The following CDC42SE2 variants were observed in gnomAD, a reference collection of about 807,000 sequenced individuals.
CDC42SE2 encodes the protein CDC42 small effector protein 2.
A neutral mutation model predicts 11.5 loss-of-function variants in CDC42SE2; 3 were observed. That is an observed-to-expected ratio of 0.26 (90% CI 0.12 to 0.67). The LOEUF is 0.67. CDC42SE2 is among the 30% of genes least tolerant of loss of function. The probability of loss-of-function intolerance (pLI) is 0.80; values close to 1 mark genes in which losing one functional copy is unlikely to be tolerated. For missense variants in CDC42SE2, 82 were observed against 106.8 expected (o/e 0.77, Z 1.02); for synonymous variants, 33 against 34.8 (o/e 0.95, Z 0.18).
Position 131,302,284 on chromosome 5 carries a change from A to G in CDC42SE2, c.-454-13692A>G, listed in dbSNP as rs191891104. ...AACCTCCGCCTCCCGGGTTCAAGAG[A>G]TTCTCCTGCCTCAGCCTCCCCAGTA... is the stretch of plus-strand genomic sequence containing the variant. On this transcript the variant is annotated intron_variant, in intron 1 of 4. Transcript: ENST00000505065. 2.0e-3 allele frequency among the ~76,000 whole-genome samples: 300 copies of G among 152,020 alleles called. 1 individual carries two copies. Among genetic ancestry groups the G allele is most frequent in the African/African-American group, 7.0e-3 (289 of 41,444 alleles).
the CDC42SE2 span, among the ~76,000 whole-genome samples, chr5:131,236,619 G>A: frequency 6.6e-6 from 1 of 152,110 alleles, no homozygotes; most frequent in African/African-American, 2.4e-5. Context: ...TAGAGATGGG[G>A]TTTCACCATG....
chr5:131,236,064 G>A, the CDC42SE2 span, among the ~76,000 whole-genome samples: 5 of 152,058 alleles, frequency 3.3e-5, no homozygotes, highest in African/African-American at 4.8e-5. Flanking sequence ...ACTTCACATC[G>A]TATGTCCTTT....
chr5:131,324,435 A>G (rs943966570), intron 2 of CDC42SE2, among the ~76,000 whole-genome samples: 21 of 152,148 alleles, frequency 1.4e-4, no homozygotes, highest in Admixed American at 8.5e-4. Context: ...GAGAAAAGAT[A>G]ATGAAATCCT....
chr5:131,295,936 C>T (rs1287090793), intron 1 of CDC42SE2, among the ~76,000 whole-genome samples: 1 of 152,176 alleles, frequency 6.6e-6, no homozygotes, highest in Non-Finnish European at 1.5e-5. Context: ...CTGCCTGCCT[C>T]AGCCTCCCAA....
intron 3 of CDC42SE2, among the ~76,000 whole-genome samples, chr5:131,385,275 CTT>C (rs1351859481): frequency 2.6e-5 from 4 of 152,112 alleles, no homozygotes; most frequent in Admixed American, 6.6e-5. Context: ...AAGAATAAAA[CTT>C]AAGCAGTTAT....
chr5:131,323,547 G>GTTTTTTTT (rs1171213231), intron 2 of CDC42SE2, among the ~76,000 whole-genome samples: 6 of 82,546 alleles, frequency 7.3e-5, no homozygotes, highest in East Asian at 8.7e-4. Flanking sequence ...TCTCTCTCTG[G>GTTTTTTTT]TTTTTTTTTT....
chr5:131,235,401 T>C, the CDC42SE2 span, among the ~76,000 whole-genome samples: 1 of 151,742 alleles, frequency 6.6e-6, no homozygotes, highest in African/African-American at 2.4e-5. Context: ...GTGATTCTCC[T>C]GCCTCAGCCT....
intron 1 of CDC42SE2, among the ~76,000 whole-genome samples, chr5:131,247,184 A>C (rs1032224040): frequency 6.6e-6 from 1 of 152,220 alleles, no homozygotes; most frequent in African/African-American, 2.4e-5. Flanking sequence ...CAAAAACACT[A>C]AACAAAATAT....
intron 1 of CDC42SE2, among the ~76,000 whole-genome samples, chr5:131,273,839 G>A (rs1021424577): frequency 4.6e-5 from 7 of 151,762 alleles, no homozygotes; most frequent in African/African-American, 1.7e-4. Flanking sequence ...GTACAGTGGC[G>A]TGATCTTAGC....
At chr5:131,329,648 G>T (rs1033657996) in intron 2 of CDC42SE2, among the ~76,000 whole-genome samples, 10 of 151,876 alleles carry the variant, frequency 6.6e-5, no homozygotes, top group African/African-American at 2.4e-4. Flanking sequence ...GGAGGCCTAG[G>T]TGGGCGGATC....
chr5:131,267,974 TAGTC>T (rs1035974265), intron 1 of CDC42SE2, among the ~76,000 whole-genome samples: 3 of 152,052 alleles, frequency 2.0e-5, no homozygotes, highest in African/African-American at 7.2e-5. Flanking sequence ...AGTAATGTTT[TAGTC>T]AGTCTCAGGG....
chr5:131,273,728 G>A lies in CDC42SE2; in HGVS notation c.-455+9562G>A, dbSNP rs1439862870. ...GCGGAGCTTGCAGTGAGCCAAGATC[G>A]CACCACTGCACTCCAGCCTGGCGAC... On this transcript the variant is annotated intron_variant, in intron 1 of 4. Coordinates refer to ENST00000505065, the MANE Select transcript of CDC42SE2 (RefSeq NM_001375635.1). Among the ~76,000 whole-genome samples, 20 of 149,076 alleles carry A rather than the reference G, an allele frequency of 1.3e-4. No homozygotes were observed. The East Asian group carries it at 3.6e-3, about 27-fold the overall frequency.
chr5:131,348,867 C>G (rs955282577), intron 2 of CDC42SE2, among the ~76,000 whole-genome samples: 5 of 152,114 alleles, frequency 3.3e-5, no homozygotes, highest in African/African-American at 1.2e-4. Flanking sequence ...TTTGAGAAAC[C>G]TGACAAAAAC....
chr5:131,259,634 A>G (rs1258475436), upstream of CDC42SE2, among the ~76,000 whole-genome samples: 1 of 152,254 alleles, frequency 6.6e-6, no homozygotes, highest in Non-Finnish European at 1.5e-5. Context: ...AGCAGTTAGT[A>G]CATACATCTA....
intron 1 of CDC42SE2, among the ~76,000 whole-genome samples, chr5:131,300,991 G>C (rs1757667624): frequency 6.6e-6 from 1 of 152,080 alleles, no homozygotes; most frequent in African/African-American, 2.4e-5. Context: ...AGGTGGCATT[G>C]TCTTCGTTTT....
chr5:131,299,514 A>G (rs532934833), intron 1 of CDC42SE2, among the ~76,000 whole-genome samples: 4 of 152,318 alleles, frequency 2.6e-5, no homozygotes, highest in African/African-American at 9.6e-5. Context: ...AGGGAATTTA[A>G]TGAAAATAAA....
At chr5:131,260,106 T>G (rs984050201), upstream of CDC42SE2, among the ~76,000 whole-genome samples, 6 of 152,238 alleles carry the variant, frequency 3.9e-5, no homozygotes, top group Admixed American at 6.5e-5. Context: ...CGATTTTACT[T>G]GAGTTCTCTT....
rs143403453 is a variant in CDC42SE2 at position 131,352,003 on chromosome 5, A to G, written c.-285-7206A>G. Among the ~76,000 whole-genome samples, 613 of 152,328 alleles carry G rather than the reference A, an allele frequency of 4.0e-3. 6 individuals are homozygous for G. Among genetic ancestry groups the G allele is most frequent in the African/African-American group, 0.014 (593 of 41,580 alleles). On this transcript the variant is annotated intron_variant, in intron 2 of 4. Coordinates refer to ENST00000505065, the MANE Select transcript of CDC42SE2 (RefSeq NM_001375635.1). ...CAAAAGGTTGGAACATATTTACCCA[A>G]AGAAAATACATGAATGGCCAAGAAG...
intron 1 of CDC42SE2, among the ~76,000 whole-genome samples, chr5:131,286,540 C>T (rs1261651940): frequency 1.3e-5 from 2 of 151,952 alleles, no homozygotes; most frequent in South Asian, 4.2e-4. Context: ...TTATACTCAG[C>T]GTACAGTTGA....
Sources: gnomAD v4.1 joint callset for allele counts (sites outside exome capture counted in the v4.1 genomes callset) on GRCh38, gnomAD v4.1.1 for gene constraint, MANE v1.5 for transcripts, NCBI Gene and HGNC (gene_info 2026-07-23, HGNC 2026-07-21) for gene names.